Variants in SLC22A11 observed in about 807,000 individuals in gnomAD.
The protein encoded by SLC22A11 is organic anion transporter 4.
Under a neutral mutation model 49.4 loss-of-function variants are expected in SLC22A11, and 42 were observed. The observed-to-expected ratio is 0.85, with a 90% CI of 0.66 to 1.10. The LOEUF (loss-of-function observed/expected upper bound fraction) is 1.10, where lower values mean the gene tolerates loss of function less well. SLC22A11 is among the 50% of genes least tolerant of loss of function. The pLI, the probability that SLC22A11 is intolerant of heterozygous loss-of-function variation, is 0.00. For synonymous variants in SLC22A11, 304 were observed against 315.8 expected, an observed-to-expected ratio of 0.96 and a Z score of 0.40; for missense variants, 685 against 731.6, an observed-to-expected ratio of 0.94 and a Z score of 0.74.
rs766898085 is a variant in SLC22A11 at position 64,567,594 on chromosome 11, C to T, written c.1059-5C>T. 12 of 1,613,332 alleles carry T rather than the reference C, an allele frequency of 7.4e-6. No homozygotes were observed. The East Asian group carries it at 1.3e-4, about 18-fold the overall frequency. ...CAGGGACCTGACTTCCAGCCTTGCCCGCAGTTTCTCTCTATTGATCTCCTA... is the reference window on the plus strand; with the variant it reads ...CAGGGACCTGACTTCCAGCCTTGCCTGCAGTTTCTCTCTATTGATCTCCTA... On this transcript the variant is annotated splice_polypyrimidine_tract_variant and splice_region_variant and intron_variant, in intron 6 of 9. Coordinates refer to ENST00000301891, the MANE Select transcript of SLC22A11 (RefSeq NM_018484.4).
rs1045734470 is a variant in SLC22A11 at position 64,565,369 on chromosome 11, G to A, written c.1058+32G>A. The A allele has an allele frequency of 2.0e-6, 3 of 1,528,684 alleles. No homozygotes were observed. In the Admixed American group the frequency reaches 5.9e-5, roughly 30 times the overall value. 94.7% of individuals were successfully genotyped at this position (1,528,684 alleles called of 1,614,324 possible). On this transcript the variant is annotated intron_variant, in intron 6 of 9. Transcript: ENST00000301891. This position sits in a 1 kb window ranked among gnomAD's most constrained non-coding sequence, Gnocchi z 4.1. The stretch of plus-strand genomic sequence containing the variant: ...CGTCCTGGTGTCCCTCCCCAAGGCA[G>A]GGCTGGGACAGGCAGGAGGCAGAGC...
intron 7 of SLC22A11, among the ~76,000 whole-genome samples, chr11:64,568,179 G>A (rs1272488154): frequency 6.6e-6 from 1 of 152,218 alleles, no homozygotes; most frequent in Non-Finnish European, 1.5e-5. Flanking sequence ...ACAACGGCGA[G>A]CACCTCCCAG....
chr11:64,565,075 C>A lies in SLC22A11; in HGVS notation c.943-147C>A, dbSNP rs2135424093. The A allele has an allele frequency of 1.6e-6, 1 of 628,944 alleles. No homozygotes were observed. Among genetic ancestry groups the A allele is most frequent in the Non-Finnish European group, 2.8e-6 (1 of 362,650 alleles). The allele number at this position is 628,944 out of a possible 1,614,324, so 39.0% of individuals were successfully genotyped here. On this transcript the variant is annotated intron_variant, in intron 5 of 9. Transcript: ENST00000301891. This position sits in a 1 kb window ranked among gnomAD's most constrained non-coding sequence, Gnocchi z 4.1. ...GAGAACCTTTTCTGCCCCATCCCCT[C>A]CCCTTCCCCTAGGGATCCAGCTTCC...
chr11:64,566,433 G>A (rs1161564853), intron 6 of SLC22A11: 7 of 149,442 alleles, frequency 4.7e-5, no homozygotes, highest in African/African-American at 1.7e-4. Flanking sequence ...ATTTTTTTCT[G>A]ATAAATCAGA....
At position 64,571,996 on chromosome 11, in the gene SLC22A11, C is replaced by T. The variant is rs1256057422; in HGVS notation, c.*954C>T. ...TTACAAGCGTAGGGATAAGAGGAACCCCTCTTGGTCCCCTCGATGAGGGTT... is the reference window on the plus strand; with the variant it reads ...TTACAAGCGTAGGGATAAGAGGAACTCCTCTTGGTCCCCTCGATGAGGGTT... On this transcript the variant is annotated 3_prime_UTR_variant, in exon 10 of 10. Coordinates refer to ENST00000301891, the MANE Select transcript of SLC22A11 (RefSeq NM_018484.4). 2.0e-5 allele frequency: 3 copies of T among 152,224 alleles called. No homozygotes were observed. The highest frequency in any genetic ancestry group is 4.4e-5 in the Non-Finnish European group (3 of 68,060). 9.4% of individuals were successfully genotyped at this position (152,224 alleles called of 1,614,324 possible). A position where few individuals can be genotyped will look rare whatever the true frequency, so the allele number is the denominator to read the frequency against.
Position 64,556,145 on chromosome 11 carries a change from G to GCTGGA in SLC22A11, c.148_152dup (p.His52GlyfsTer15). 3 of 1,614,200 alleles carry GCTGGA rather than the reference G, an allele frequency of 1.9e-6. No homozygotes were observed. The highest frequency in any genetic ancestry group is 2.5e-6 in the Non-Finnish European group (3 of 1,180,044). ...TCAGCCGCCATCCCAGGCCACCGAT[G>GCTGGA]CTGGACACACATGCTGGACAATGGC... On this transcript the variant is annotated frameshift_variant, in exon 1 of 10. Coordinates refer to ENST00000301891, the MANE Select transcript of SLC22A11 (RefSeq NM_018484.4). LOFTEE classifies it high-confidence loss of function.
intron 9 of SLC22A11, among the ~76,000 whole-genome samples, chr11:64,570,089 A>C (rs2038684272): frequency 2.0e-5 from 3 of 152,276 alleles, no homozygotes; most frequent in Admixed American, 2.0e-4. Context: ...GAAAGTGATC[A>C]TACCTCATGC....
intron 9 of SLC22A11, among the ~76,000 whole-genome samples, 177 bp downstream of exon 9, chr11:64,570,035 T>A (rs1304924335): frequency 6.6e-6 from 1 of 152,228 alleles, no homozygotes; most frequent in Non-Finnish European, 1.5e-5. Flanking sequence ...ATACTATTAC[T>A]AGGGTCAGAG....
rs778853674 is a variant in SLC22A11 at position 64,556,376 on chromosome 11, C to A, written c.377C>A (p.Ser126Tyr). The A allele has an allele frequency of 6.2e-7, 1 of 1,611,450 alleles. No individual in the cohort carries two copies. The highest frequency in any genetic ancestry group is 1.7e-5 in the Admixed American group (1 of 60,020). The change falls in exon 1 of 10, where the codon TCC becomes TAC. Residue 126 changes from serine to tyrosine, a missense_variant. Ser to Tyr is a moderately radical substitution (Grantham distance 144, BLOSUM62 -2). Transcript: ENST00000301891. The stretch of plus-strand genomic sequence containing the variant: ...GTCTATGACCGCAGCGTCTTCACCT[C>A]CACCATCGTGGCCAAGGTAGGGCCT... Reference protein sequence around the residue: ...GWVYDRSVFTSTIVAKWDLVC... With the variant: ...GWVYDRSVFTYTIVAKWDLVC...
In SLC22A11 at chr11:64,562,352, C is replaced by G. The variant is rs764766339; in HGVS notation, c.738C>G (p.Gly246=). 6.2e-7 allele frequency: 1 copy of G among 1,610,970 alleles called. No individual in the cohort carries two copies. The highest frequency in any genetic ancestry group is 1.1e-5 in the South Asian group (1 of 90,902). ...CAFSAGQAAL[G]GLAFALRDWR... ...TCAGCGCAGGCCAGGCGGCGCTGGGCGGCCTGGCCTTTGCCCTGCGGGACT... is the reference window on the plus strand; with the variant it reads ...TCAGCGCAGGCCAGGCGGCGCTGGGGGGCCTGGCCTTTGCCCTGCGGGACT... The change falls in exon 4 of 10, where the codon GGC becomes GGG. Residue 246 remains glycine (G), a synonymous_variant. Coordinates refer to ENST00000301891, the MANE Select transcript of SLC22A11 (RefSeq NM_018484.4). The surrounding 1 kb of genome is among the most constrained non-coding windows in gnomAD (Gnocchi z 4.4).
chr11:64,570,994 C>A lies in SLC22A11; in HGVS notation c.1605C>A (p.Ala535=), dbSNP rs752217195. The change falls in exon 10 of 10, where the codon GCC becomes GCA. Residue 535 remains alanine, a synonymous_variant. Coordinates refer to ENST00000301891, the MANE Select transcript of SLC22A11 (RefSeq NM_018484.4). The part of the protein sequence containing the change: ...QDLESQKSTA[A]QGNRQEAVTV... ...ATTATTCTAGGAAATCAACAGCAGC[C>A]CAGGGCAACCGGCAAGAGGCCGTCA... 6.2e-7 allele frequency: 1 copy of A among 1,614,222 alleles called. No individual in the cohort carries two copies. The highest frequency in any genetic ancestry group is 2.2e-5 in the East Asian group (1 of 44,890).
At position 64,567,746 on chromosome 11, in the gene SLC22A11, C is replaced by A. The variant is rs144286847; in HGVS notation, c.1206C>A (p.Arg402=). 1.2e-5 allele frequency: 20 copies of A among 1,613,088 alleles called. No homozygotes were observed. The African/African-American group carries it at 2.1e-4, about 17-fold the overall frequency. Residue 402 remains arginine (R), a synonymous_variant, in exon 7 of 10, where the codon CGC becomes CGA. Transcript: ENST00000301891. ...TALLLSFLGR[R]TIQAGSQAMA... ...TCTTGCTCAGTTTCCTTGGCCGCCGCACCATCCAGGCGGGTTCCCAGGCCA... is the reference window on the plus strand; with the variant it reads ...TCTTGCTCAGTTTCCTTGGCCGCCGAACCATCCAGGCGGGTTCCCAGGCCA...
At position 64,565,531 on chromosome 11, in the gene SLC22A11, A is replaced by C; in HGVS notation, c.1058+194A>C. On this transcript the variant is annotated intron_variant, in intron 6 of 9. Transcript: ENST00000301891. This position sits in a 1 kb window ranked among gnomAD's most constrained non-coding sequence, Gnocchi z 4.1. Reference sequence around the variant, plus strand: ...CAGGCAGCAGAGAGGGACTATGCACAGGTGGGATCTGGAGGCTGCCATCTG... The same window carrying C: ...CAGGCAGCAGAGAGGGACTATGCACCGGTGGGATCTGGAGGCTGCCATCTG... 2 of 656,310 alleles carry C rather than the reference A, an allele frequency of 3.0e-6. No homozygotes were observed. Among genetic ancestry groups the C allele is most frequent in the South Asian group, 3.0e-5 (2 of 66,316 alleles). The allele number at this position is 656,310 out of a possible 1,614,324, so 40.7% of individuals were successfully genotyped here.
Position 64,556,031 on chromosome 11 carries a change from G to A in SLC22A11, c.32G>A (p.Gly11Glu). The change falls in exon 1 of 10, where the codon GGA becomes GAA. Residue 11 changes from glycine (G) to glutamate (E), a missense_variant. By Grantham distance (98) the Gly-to-Glu change is moderately conservative. Transcript: ENST00000301891. MAFSKLLEQAGGVGLFQTLQV... is the reference protein window; with the variant it reads MAFSKLLEQAEGVGLFQTLQV... Reference sequence around the variant, plus strand: ...TTCTCGAAGCTCTTGGAGCAAGCCGGAGGCGTGGGCCTCTTCCAGACCCTG... The same window carrying A: ...TTCTCGAAGCTCTTGGAGCAAGCCGAAGGCGTGGGCCTCTTCCAGACCCTG... 1 of 1,612,556 alleles carries A rather than the reference G, an allele frequency of 6.2e-7. No individual in the cohort carries two copies. Among genetic ancestry groups the A allele is most frequent in the Non-Finnish European group, 8.5e-7 (1 of 1,179,914 alleles).
chr11:64,569,419 G>A (rs1031069000), intron 8 of SLC22A11, among the ~76,000 whole-genome samples: 6 of 152,166 alleles, frequency 3.9e-5, no homozygotes, highest in Admixed American at 1.3e-4. Context: ...GTATGGAGAA[G>A]CCCTTAAGTT....
In SLC22A11 at chr11:64,556,239, G is replaced by C; in HGVS notation, c.240G>C (p.Gln80His). 1 of 1,613,908 alleles carries C rather than the reference G, an allele frequency of 6.2e-7. No homozygotes were observed. The highest frequency in any genetic ancestry group is 1.1e-5 in the South Asian group (1 of 91,074). Residue 80 changes from glutamine to histidine, a missense_variant, in exon 1 of 10, where the codon CAG becomes CAC. Gln to His is a conservative substitution (Grantham distance 24). Coordinates refer to ENST00000301891, the MANE Select transcript of SLC22A11 (RefSeq NM_018484.4). Reference protein sequence around the residue: ...LTISIPPGPNQGPHQCRRFRQ... With the variant: ...LTISIPPGPNHGPHQCRRFRQ... ...TCTCCATCCCGCCAGGCCCCAACCAGGGGCCCCACCAGTGCCGCCGCTTCC... is the reference window on the plus strand; with the variant it reads ...TCTCCATCCCGCCAGGCCCCAACCACGGGCCCCACCAGTGCCGCCGCTTCC...
Position 64,561,929 on chromosome 11 carries a change from A to C in SLC22A11, c.498-75A>C, listed in dbSNP as rs1011435650. 58 of 1,512,824 alleles carry C rather than the reference A, an allele frequency of 3.8e-5. No homozygotes were observed. In the South Asian group the frequency reaches 6.8e-4, roughly 18 times the overall value. The allele number at this position is 1,512,824 out of a possible 1,614,324, so 93.7% of individuals were successfully genotyped here. ...CCCCTGGCGTTGTTGAACTCCCAGA[A>C]GGCAAGTACCTGCCCACATATCCAC... On this transcript the variant is annotated intron_variant, in intron 2 of 9. Coordinates refer to ENST00000301891, the MANE Select transcript of SLC22A11 (RefSeq NM_018484.4).
rs1192894639 is a variant in SLC22A11, at chr11:64,571,844, C to T, written c.*802C>T. The T allele has an allele frequency of 6.6e-6, 1 of 152,316 alleles. No homozygotes were observed. Among genetic ancestry groups the T allele is most frequent in the Non-Finnish European group, 1.5e-5 (1 of 68,116 alleles). The allele number at this position is 152,316 out of a possible 1,614,324, so 9.4% of individuals were successfully genotyped here. On this transcript the variant is annotated 3_prime_UTR_variant, in exon 10 of 10. Coordinates refer to ENST00000301891, the MANE Select transcript of SLC22A11 (RefSeq NM_018484.4). ...CATGGGGCGGGGTGCACTGAGGATC[C>T]GAGCGAGCAGCCAGGGCTGCAGGAA... is the stretch of plus-strand genomic sequence containing the variant.
rs370173256 is a variant in SLC22A11 at position 64,565,341 on chromosome 11, C to T, written c.1058+4C>T. On this transcript the variant is annotated splice_donor_region_variant and intron_variant, in intron 6 of 9. Coordinates refer to ENST00000301891, the MANE Select transcript of SLC22A11 (RefSeq NM_018484.4). This position sits in a 1 kb window ranked among gnomAD's most constrained non-coding sequence, Gnocchi z 4.1. ...GCTGCGCCATGCTGGTGGTGAAGTA[C>T]GCCGTCCTGGTGTCCCTCCCCAAGG... The T allele has an allele frequency of 2.3e-5, 36 of 1,547,076 alleles. No individual in the cohort carries two copies. The African/African-American group carries it at 3.8e-4, about 16-fold the overall frequency.
Sources: allele counts gnomAD v4.1 joint callset (sites outside exome capture counted in the v4.1 genomes callset), GRCh38; gene constraint gnomAD v4.1.1; non-coding constraint Gnocchi (gnomAD v3.1); transcripts MANE v1.5; gene names NCBI Gene and HGNC (gene_info 2026-07-23, HGNC 2026-07-21).